The following HCN1 variants were observed in gnomAD, a reference collection of about 807,000 sequenced individuals.
The protein encoded by HCN1 is hyperpolarization activated cyclic nucleotide gated potassium channel 1.
In HCN1, 13 loss-of-function variants were observed where a neutral mutation model predicts 78.9. The observed-to-expected ratio is 0.16, with a 90% confidence interval of 0.11 to 0.26. The LOEUF is 0.26. Ranked by LOEUF, HCN1 falls within the 10% of genes least tolerant of loss-of-function variation. The pLI is 1.00. For missense variants in HCN1, 810 were observed against 1,154.3 expected (o/e 0.70, Z 4.32); for synonymous variants, 552 against 455.5 (o/e 1.21, Z -2.70).
chr5:45,667,797 T>C (rs188505680), intron 1 of HCN1, among the ~76,000 whole-genome samples: 196 of 152,102 alleles, frequency 1.3e-3, no homozygotes, highest in Middle Eastern at 6.8e-3. Flanking sequence ...ACATTGTAGT[T>C]CTTCCGACAA....
chr5:45,263,712 T>C (rs538184059), intron 7 of HCN1, among the ~76,000 whole-genome samples: 1 of 152,280 alleles, frequency 6.6e-6, no homozygotes, highest in South Asian at 2.1e-4. Context: ...TAATCATACA[T>C]GGGCTCTGAA....
At chr5:45,440,573 G>C (rs1390743953) in intron 3 of HCN1, among the ~76,000 whole-genome samples, 1 of 152,128 alleles carries the variant, frequency 6.6e-6, no homozygotes, top group Non-Finnish European at 1.5e-5. Context: ...GAAGTGAGCT[G>C]CTGTTTTCCT....
intron 4 of HCN1, among the ~76,000 whole-genome samples, chr5:45,371,650 G>C (rs1348947682): frequency 6.7e-6 from 1 of 150,124 alleles, no homozygotes; most frequent in East Asian, 2.0e-4. Context: ...CCAGCTACTC[G>C]TGAGGCTGAG....
intron 3 of HCN1, among the ~76,000 whole-genome samples, chr5:45,406,243 C>T (rs754350670): frequency 1.3e-5 from 2 of 151,834 alleles, no homozygotes; most frequent in African/African-American, 2.4e-5. Flanking sequence ...CTATGGGGTA[C>T]CTCTTTGTTA....
chr5:45,557,688 T>C (rs1049435845), intron 2 of HCN1, among the ~76,000 whole-genome samples: 1 of 152,158 alleles, frequency 6.6e-6, no homozygotes, highest in Admixed American at 6.6e-5. Flanking sequence ...TTTTCTTTGT[T>C]ACTATATCTG....
intron 4 of HCN1, among the ~76,000 whole-genome samples, chr5:45,386,521 T>C (rs1162946406): frequency 6.6e-6 from 1 of 152,090 alleles, no homozygotes; most frequent in Non-Finnish European, 1.5e-5. Flanking sequence ...GCATCTACTT[T>C]TAGCAGCTCT....
intron 2 of HCN1, among the ~76,000 whole-genome samples, chr5:45,487,025 G>A (rs893500059): frequency 5.3e-5 from 8 of 152,070 alleles, no homozygotes; most frequent in East Asian, 1.9e-4. Flanking sequence ...CCTGTAAGTC[G>A]TCAGATGTTT....
chr5:45,276,736 T>C (rs1745067332), intron 6 of HCN1, among the ~76,000 whole-genome samples: 1 of 152,090 alleles, frequency 6.6e-6, no homozygotes, highest in African/African-American at 2.4e-5. Flanking sequence ...CTAAATAACC[T>C]ACTAGAGACT....
At chr5:45,571,459 T>C (rs1743833120) in intron 2 of HCN1, among the ~76,000 whole-genome samples, 1 of 152,094 alleles carries the variant, frequency 6.6e-6, no homozygotes, top group African/African-American at 2.4e-5. Flanking sequence ...TGGGGCAAGA[T>C]AGATGAAACG....
intron 5 of HCN1, among the ~76,000 whole-genome samples, chr5:45,347,662 G>C (rs1195862443): frequency 6.6e-6 from 1 of 152,136 alleles, no homozygotes; most frequent in Non-Finnish European, 1.5e-5. Flanking sequence ...ATATAGAGAA[G>C]TGCTTAAAGG....
intron 6 of HCN1, among the ~76,000 whole-genome samples, chr5:45,278,499 A>AT: frequency 1.3e-5 from 2 of 152,148 alleles, no homozygotes; most frequent in South Asian, 2.1e-4. Flanking sequence ...ATATCTGTTG[A>AT]TTTTTTTCCC....
At chr5:45,286,777 G>C (rs1745277338) in intron 6 of HCN1, among the ~76,000 whole-genome samples, 1 of 151,878 alleles carries the variant, frequency 6.6e-6, no homozygotes, top group Admixed American at 6.6e-5. Flanking sequence ...ATGGTATGAG[G>C]TACAAAGACA....
intron 1 of HCN1, among the ~76,000 whole-genome samples, chr5:45,673,586 AG>A (rs947221501): frequency 3.3e-5 from 5 of 151,542 alleles, no homozygotes; most frequent in African/African-American, 1.2e-4. Context: ...GAAGCTCTTT[AG>A]ATTATCTTTT....
At chr5:45,493,971 G>A (rs1468216167) in intron 2 of HCN1, among the ~76,000 whole-genome samples, 1 of 152,094 alleles carries the variant, frequency 6.6e-6, no homozygotes, top group East Asian at 1.9e-4. Context: ...TGGTGTATAT[G>A]TTTCACATTT....
chr5:45,303,815 T>C lies in HCN1; in HGVS notation c.1402A>G (p.Lys468Glu), dbSNP rs1381751342. The C allele has an allele frequency of 1.2e-6, 2 of 1,613,450 alleles. No homozygotes were observed. Among genetic ancestry groups the C allele is most frequent in the Non-Finnish European group, 1.7e-6 (2 of 1,179,548 alleles). ...AATAAAGGCATTGTAGCCACCAGTTTCCGACAGTTGAAGTTGACTATCTCC... is the reference window on the plus strand; with the variant it reads ...AATAAAGGCATTGTAGCCACCAGTTCCCGACAGTTGAAGTTGACTATCTCC... Reference protein sequence around the residue: ...REEIVNFNCRKLVATMPLFAN... With the variant: ...REEIVNFNCRELVATMPLFAN... The change falls in exon 6 of 8, where the codon AAA becomes GAA. Residue 468 changes from lysine to glutamate, a missense_variant. Lys to Glu is a moderately conservative substitution (Grantham distance 56). Around this residue, in one of 6 missense-constraint regions of HCN1, gnomAD observed 100 missense variants for 126.8 expected, o/e 0.79. Transcript: ENST00000303230.
At chr5:45,295,923 T>C (rs2111892277) in intron 6 of HCN1, among the ~76,000 whole-genome samples, 1 of 152,136 alleles carries the variant, frequency 6.6e-6, no homozygotes, top group Non-Finnish European at 1.5e-5. Flanking sequence ...ATTAAATAAG[T>C]ACATGTTATT....
chr5:45,468,472 T>TA lies in HCN1; in HGVS notation c.850-6466dup, dbSNP rs373292459. On this transcript the variant is annotated intron_variant, in intron 2 of 7. Transcript: ENST00000303230. ...TTTCAGTTATTTTTTAGAAACCTGT[T>TA]ATGTTTCTTAACTACCTTTTCAACT... 8.6e-3 allele frequency among the ~76,000 whole-genome samples: 1,311 copies of TA among 152,216 alleles called. 26 individuals are homozygous for TA. Among genetic ancestry groups the TA allele is most frequent in the African/African-American group, 0.031 (1,284 of 41,552 alleles).
At chr5:45,691,220 C>T (rs908317799) in intron 1 of HCN1, among the ~76,000 whole-genome samples, 1 of 151,820 alleles carries the variant, frequency 6.6e-6, no homozygotes, top group Non-Finnish European at 1.5e-5. Context: ...TCAACAGGCA[C>T]GTTCATAAAC....
chr5:45,625,228 T>C (rs2112002202), intron 2 of HCN1, among the ~76,000 whole-genome samples: 1 of 152,052 alleles, frequency 6.6e-6, no homozygotes, highest in South Asian at 2.1e-4. Flanking sequence ...TCTTGAACCT[T>C]GGAGGCAGGG....
Sources: gnomAD v4.1 joint callset for allele counts (sites outside exome capture counted in the v4.1 genomes callset) on GRCh38, gnomAD v4.1.1 for gene constraint, gnomAD v4.1.1 regional missense constraint, MANE v1.5 for transcripts, NCBI Gene and HGNC (gene_info 2026-07-23, HGNC 2026-07-21) for gene names.